ZNF846: variants seen among roughly 807,000 people sequenced by gnomAD.
ZNF846 encodes zinc finger protein 420 pseudogene.
A neutral mutation model predicts 16.0 loss-of-function variants in ZNF846; 15 were observed. The observed-to-expected ratio is 0.94, with a 90% CI of 0.63 to 1.45. The LOEUF is 1.45. Ranked by LOEUF, ZNF846 falls within the 40% of genes most tolerant of loss-of-function variation. The pLI is 0.00. For missense variants in ZNF846, 714 were observed against 622.3 expected (o/e 1.15, Z -1.57); for synonymous variants, 229 against 212.0 (o/e 1.08, Z -0.70).
At chr19:9,751,391 T>G (rs2045082545), downstream of ZNF846, among the ~76,000 whole-genome samples, 1 of 152,180 alleles carries the variant, frequency 6.6e-6, no homozygotes, top group Admixed American at 6.5e-5. Context: ...TTTATTATTT[T>G]TATTTCTTAT....
At chr19:9,765,757 G>C (rs146662367) in intron 1 of ZNF846, among the ~76,000 whole-genome samples, 1 of 151,968 alleles carries the variant, frequency 6.6e-6, no homozygotes, top group Non-Finnish European at 1.5e-5. Context: ...CCTCCCAATT[G>C]TAATACTATT....
At chr19:9,761,377 A>G (rs2045224736) in intron 4 of ZNF846, among the ~76,000 whole-genome samples, 1 of 152,164 alleles carries the variant, frequency 6.6e-6, no homozygotes, top group Non-Finnish European at 1.5e-5. Flanking sequence ...GCAAATGGAA[A>G]GATGGACTAT....
chr19:9,758,803 T>A (rs1203907528), intron 5 of ZNF846, 39 bp from the exon 6 acceptor site: 1 of 1,456,206 alleles, frequency 6.9e-7, no homozygotes, highest in Non-Finnish European at 9.2e-7. Flanking sequence ...ATTTCTCACA[T>A]TCAGTATGGT....
intron 1 of ZNF846, among the ~76,000 whole-genome samples, chr19:9,785,432 G>T (rs1218225525): frequency 2.6e-5 from 4 of 151,552 alleles, no homozygotes; most frequent in African/African-American, 9.7e-5. Flanking sequence ...GATTGCCCTC[G>T]TGATCCGCCT....
At chr19:9,762,894 T>C (rs1045254943) in intron 3 of ZNF846, among the ~76,000 whole-genome samples, 5 of 152,100 alleles carry the variant, frequency 3.3e-5, no homozygotes, top group Non-Finnish European at 5.9e-5. Flanking sequence ...CCTGTAATCC[T>C]AGCACTTTGG....
chr19:9,763,368 T>A (rs777543294), exon 3 of ZNF846: 4 of 1,611,710 alleles, frequency 2.5e-6, no homozygotes, highest in Non-Finnish European at 3.4e-6. Flanking sequence ...CCACTCCTCC[T>A]GGGTAAAGTC....
chr19:9,758,909 T>C lies in ZNF846; in HGVS notation c.313-145A>G, dbSNP rs188874985. On this transcript the variant is annotated intron_variant, in intron 5 of 5. Transcript: ENST00000397902. ...TATGTACAGAGTTCCAGCCCCATTT[T>C]TGAGTTAAGTTGAGTAATAGGACAA... is the stretch of plus-strand genomic sequence containing the variant. The C allele has an allele frequency of 1.9e-4, 121 of 620,986 alleles. 2 individuals are homozygous for C. The East Asian group carries it at 2.0e-3, about 10-fold the overall frequency. The allele number at this position is 620,986 out of a possible 1,614,324, so 38.5% of individuals were successfully genotyped here. A position where few individuals can be genotyped will look rare whatever the true frequency, so the allele number is the denominator to read the frequency against.
At chr19:9,763,827 A>G (rs1219368381) in intron 2 of ZNF846, among the ~76,000 whole-genome samples, 1 of 152,252 alleles carries the variant, frequency 6.6e-6, no homozygotes, top group East Asian at 1.9e-4. Flanking sequence ...ATGATTGAGG[A>G]TCAGAAAGAA....
intron 1 of ZNF846, among the ~76,000 whole-genome samples, chr19:9,776,814 G>T (rs1027588891): frequency 1.3e-5 from 2 of 152,128 alleles, no homozygotes; most frequent in Non-Finnish European, 2.9e-5. Context: ...AGACTTGGAG[G>T]TCACTACTCA....
chr19:9,753,194 C>T (rs2145160644), downstream of ZNF846, among the ~76,000 whole-genome samples: 1 of 151,284 alleles, frequency 6.6e-6, no homozygotes, highest in South Asian at 2.1e-4. Context: ...GTTAAGATGT[C>T]AACATACGCA....
chr19:9,765,697 T>C (rs577635528), intron 1 of ZNF846, among the ~76,000 whole-genome samples: 7 of 151,998 alleles, frequency 4.6e-5, no homozygotes, highest in South Asian at 4.2e-4. Context: ...AACAAACAAA[T>C]AAAGCATTTC....
intron 1 of ZNF846, chr19:9,774,766 T>C (rs781459154): frequency 1.5e-5 from 24 of 1,571,506 alleles, no homozygotes; most frequent in Non-Finnish European, 1.9e-5. Context: ...TGTCAGTAAT[T>C]AGTGCTGAAA....
chr19:9,771,358 A>G (rs1403277356), upstream of ZNF846, among the ~76,000 whole-genome samples: 1 of 152,030 alleles, frequency 6.6e-6, no homozygotes, highest in Non-Finnish European at 1.5e-5. Context: ...TTGTATTTTT[A>G]GTAGAGATGG....
At chr19:9,758,320 G>C in exon 6 of ZNF846, 3 of 1,613,458 alleles carry the variant, frequency 1.9e-6, no homozygotes, top group Non-Finnish European at 2.5e-6. Flanking sequence ...CAGACATAGG[G>C]CTTCTCTCCA....
At chr19:9,771,089 T>C (rs1419721718), upstream of ZNF846, among the ~76,000 whole-genome samples, 1 of 152,098 alleles carries the variant, frequency 6.6e-6, no homozygotes, top group Non-Finnish European at 1.5e-5. Flanking sequence ...ATGTACCCAA[T>C]GTGTAGTTTT....
chr19:9,780,049 T>TTTG (rs1462370414), intron 1 of ZNF846, among the ~76,000 whole-genome samples: 20 of 84,464 alleles, frequency 2.4e-4, no homozygotes, highest in African/African-American at 9.7e-4. Context: ...GCTAATTTTG[T>TTTG]TTTTTTTTTT....
Position 9,762,446 on chromosome 19 carries a change from T to C in ZNF846, c.143-278A>G, listed in dbSNP as rs979149247. The C allele has an allele frequency of 1.1e-5, 3 of 274,628 alleles. No individual in the cohort carries two copies. In the East Asian group the frequency reaches 2.7e-4, roughly 25 times the overall value. 17.0% of individuals were successfully genotyped at this position (274,628 alleles called of 1,614,324 possible). A position where few individuals can be genotyped will look rare whatever the true frequency, so the allele number is the denominator to read the frequency against. On this transcript the variant is annotated intron_variant, in intron 3 of 5. Transcript: ENST00000397902. ...TGAGGTTAGGAGTTCAAGACCAGCC[T>C]GGCCAACGTGGTGAAACTTCCTCTC...
At chr19:9,761,838 T>G (rs1242899992) in intron 4 of ZNF846, among the ~76,000 whole-genome samples, 1 of 152,062 alleles carries the variant, frequency 6.6e-6, no homozygotes, top group Non-Finnish European at 1.5e-5. Context: ...AGGACCTACA[T>G]GCATAAGATG....
intron 1 of ZNF846, among the ~76,000 whole-genome samples, chr19:9,777,023 C>T (rs944117315): frequency 1.7e-4 from 26 of 151,378 alleles, no homozygotes; most frequent in Non-Finnish European, 2.2e-4. Flanking sequence ...ACAATTTCAC[C>T]GGGGTATGCA....
Sources: allele counts gnomAD v4.1 joint callset (sites outside exome capture counted in the v4.1 genomes callset), GRCh38; gene constraint gnomAD v4.1.1; transcripts MANE v1.5; gene names NCBI Gene and HGNC (gene_info 2026-07-23, HGNC 2026-07-21).